The following ZFHX3 variants were observed in gnomAD, a reference collection of about 807,000 sequenced individuals.
The protein encoded by ZFHX3 is zinc finger homeobox protein 3.
Under a neutral mutation model 279.1 loss-of-function variants are expected in ZFHX3, and 42 were observed. The ratio of observed to expected loss-of-function variants is 0.15; its 90% CI spans 0.12 to 0.19. The LOEUF (loss-of-function observed/expected upper bound fraction) is 0.19, where lower values mean the gene tolerates loss of function less well. Among genes scored for constraint, ZFHX3 ranks in the 10% least tolerant of loss-of-function variants. The pLI is 1.00. For synonymous variants in ZFHX3, 2,293 were observed against 1,957.8 expected (o/e 1.17, Z -4.52); for missense variants, 4,981 against 4,754.0 (o/e 1.05, Z -1.40).
chr16:73,438,362 G>A (rs148465729), intron 3 of ZFHX3, among the ~76,000 whole-genome samples: 171 of 152,312 alleles, frequency 1.1e-3, no homozygotes, highest in Non-Finnish European at 9.6e-4. Context: ...TGCAGTCACT[G>A]GGATAAGTCC....
chr16:73,859,906 T>C (rs555236310), intron 1 of ZFHX3, among the ~76,000 whole-genome samples: 19 of 152,342 alleles, frequency 1.2e-4, no homozygotes, highest in African/African-American at 4.6e-4. Context: ...AGCATCCCAC[T>C]GTCTGTCTTT....
At chr16:73,843,612 G>C (rs139168514) in intron 1 of ZFHX3, among the ~76,000 whole-genome samples, 44 of 152,272 alleles carry the variant, frequency 2.9e-4, no homozygotes, top group African/African-American at 1.0e-3. Context: ...GAAAACCCAA[G>C]ACAACAGCTC....
chr16:72,928,180 A>C (rs1217469551), intron 3 of ZFHX3, among the ~76,000 whole-genome samples: 1,602 of 9,968 alleles, frequency 0.16, 373 homozygotes, highest in African/African-American at 0.29. Context: ...GGGGGAGGGG[A>C]GAGAGGGAGG....
Position 72,829,542 on chromosome 16 carries a change from G to A in ZFHX3, c.3529+237C>T. 6.2e-6 allele frequency: 3 copies of A among 486,002 alleles called. 1 individual carries two copies. The South Asian group carries it at 1.3e-4, about 21-fold the overall frequency. The allele number at this position is 486,002 out of a possible 1,614,324, so 30.1% of individuals were successfully genotyped here. A position where few individuals can be genotyped will look rare whatever the true frequency, so the allele number is the denominator to read the frequency against. The stretch of plus-strand genomic sequence containing the variant: ...ACTCAATAAGCAAGCTGGCTTTGGT[G>A]CCACTTAAAAAGCTTAACCATTAAA... On this transcript the variant is annotated intron_variant, in intron 5 of 9. Transcript: ENST00000268489.
intron 3 of ZFHX3, among the ~76,000 whole-genome samples, chr16:73,361,209 C>T (rs1041537300): frequency 3.9e-5 from 6 of 152,216 alleles, no homozygotes; most frequent in African/African-American, 1.2e-4. Flanking sequence ...TCTTGGGATT[C>T]GTGCCCTTGT....
intron 2 of ZFHX3, among the ~76,000 whole-genome samples, chr16:73,614,735 C>T (rs907118021): frequency 2.6e-5 from 4 of 152,024 alleles, no homozygotes; most frequent in Non-Finnish European, 2.9e-5. Flanking sequence ...ATGATAAAAA[C>T]GGATCTGAGT....
chr16:73,866,879 A>G (rs1259485414), intron 1 of ZFHX3, among the ~76,000 whole-genome samples: 1 of 152,204 alleles, frequency 6.6e-6, no homozygotes, highest in Non-Finnish European at 1.5e-5. Context: ...GGGAAACCAC[A>G]TAGAAAAGTC....
chr16:72,803,404 C>G (rs1323943957), intron 7 of ZFHX3, among the ~76,000 whole-genome samples: 6 of 152,132 alleles, frequency 3.9e-5, no homozygotes. Flanking sequence ...GCCAGGAACA[C>G]TGAAACATGT....
chr16:73,252,258 G>C (rs1312191654), intron 5 of ZFHX3, among the ~76,000 whole-genome samples: 1 of 152,084 alleles, frequency 6.6e-6, no homozygotes, highest in African/African-American at 2.4e-5. Flanking sequence ...GAGTATGAGG[G>C]CCTGGAAGAA....
At chr16:73,458,853 T>C (rs773491002) in intron 2 of ZFHX3, among the ~76,000 whole-genome samples, 1 of 152,246 alleles carries the variant, frequency 6.6e-6, no homozygotes, top group African/African-American at 2.4e-5. Context: ...AACATATCTG[T>C]AAGTCTTCAT....
intron 5 of ZFHX3, among the ~76,000 whole-genome samples, chr16:73,220,434 A>T (rs1266965691): frequency 1.3e-5 from 2 of 152,084 alleles, no homozygotes; most frequent in Non-Finnish European, 2.9e-5. Context: ...AAACCAATTA[A>T]AAAAAAGGAG....
chr16:73,738,336 G>C (rs2053626002), intron 1 of ZFHX3, among the ~76,000 whole-genome samples: 1 of 152,170 alleles, frequency 6.6e-6, no homozygotes, highest in African/African-American at 2.4e-5. Context: ...GCCATGAAGA[G>C]GACACATCTA....
At position 73,439,914 on chromosome 16, in the gene ZFHX3, A is replaced by G. The variant is rs1451940134; in HGVS notation, c.-1291+16089T>C. Reference sequence around the variant, plus strand: ...GGGCAGGAAGGGGAGAGGGACAAAAAAAAAAAAAAAAAAAAAAACACAAAA... The same window carrying G: ...GGGCAGGAAGGGGAGAGGGACAAAAGAAAAAAAAAAAAAAAAAACACAAAA... On this transcript the variant is annotated intron_variant, in intron 3 of 17. Coordinates refer to the ZFHX3 transcript ENST00000641206. Among the ~76,000 whole-genome samples the G allele has an allele frequency of 2.8e-3, 405 of 145,700 alleles. 1 individual carries two copies. The highest frequency in any genetic ancestry group is 0.014 in the Middle Eastern group (4 of 292).
At chr16:73,098,331 G>A (rs1040340717) in intron 7 of ZFHX3, among the ~76,000 whole-genome samples, 2 of 151,912 alleles carry the variant, frequency 1.3e-5, no homozygotes, top group African/African-American at 2.4e-5. Flanking sequence ...GCCTTCCAAA[G>A]TGCTGGGATT....
chr16:72,843,390 A>G (rs1042352629), intron 4 of ZFHX3, among the ~76,000 whole-genome samples: 31 of 152,060 alleles, frequency 2.0e-4, no homozygotes, highest in Non-Finnish European at 3.2e-4. Flanking sequence ...GGGCGCCTGT[A>G]GTCCCAGCTA....
At chr16:73,114,942 G>A (rs901120343) in intron 7 of ZFHX3, among the ~76,000 whole-genome samples, 5 of 152,140 alleles carry the variant, frequency 3.3e-5, no homozygotes, top group African/African-American at 1.2e-4. Context: ...ACAGGCGCAT[G>A]CCACCATGCC....
chr16:73,517,947 A>G (rs2019551357), intron 2 of ZFHX3, among the ~76,000 whole-genome samples: 2 of 152,256 alleles, frequency 1.3e-5, no homozygotes, highest in South Asian at 4.1e-4. Flanking sequence ...AATGTGTTTT[A>G]TTATTAATTA....
At chr16:73,255,566 T>C (rs2013639257) in intron 5 of ZFHX3, among the ~76,000 whole-genome samples, 1 of 152,198 alleles carries the variant, frequency 6.6e-6, no homozygotes, top group African/African-American at 2.4e-5. Context: ...TTCCCTTTAT[T>C]TGATGCCAGA....
At chr16:73,489,486 C>T (rs1597355762) in intron 2 of ZFHX3, among the ~76,000 whole-genome samples, 1 of 152,106 alleles carries the variant, frequency 6.6e-6, no homozygotes, top group African/African-American at 2.4e-5. Flanking sequence ...ATTTGCCTTT[C>T]GAAGGTCTGG....
Sources: allele counts gnomAD v4.1 joint callset (sites outside exome capture counted in the v4.1 genomes callset), GRCh38; gene constraint gnomAD v4.1.1; transcripts MANE v1.5; gene names NCBI Gene and HGNC (gene_info 2026-07-23, HGNC 2026-07-21).